The following RASGRP1 variants were observed in gnomAD, a reference collection of about 807,000 sequenced individuals.
RASGRP1 encodes RAS guanyl-releasing protein 1.
In RASGRP1, 37 loss-of-function variants were observed where a neutral mutation model predicts 95.1. The observed-to-expected ratio is 0.39, with a 90% CI of 0.30 to 0.51. The LOEUF is 0.51. RASGRP1 is among the 20% of genes least tolerant of loss of function. The pLI, the probability that RASGRP1 is intolerant of heterozygous loss-of-function variation, is 0.80. For synonymous variants in RASGRP1, 325 were observed against 353.4 expected, an observed-to-expected ratio of 0.92 and a Z score of 0.90; for missense variants, 711 against 965.4, an observed-to-expected ratio of 0.74 and a Z score of 3.49.
At chr15:38,564,519 TG>T in intron 1 of RASGRP1, 74 bp downstream of exon 1, 2 of 1,256,738 alleles carry the variant, frequency 1.6e-6, no homozygotes, top group Admixed American at 3.9e-5. Flanking sequence ...CTCGGGGTGT[TG>T]GGGCGACGGG....
chr15:38,522,008 C>T (rs1038138840), intron 3 of RASGRP1, among the ~76,000 whole-genome samples: 7 of 152,128 alleles, frequency 4.6e-5, no homozygotes, highest in African/African-American at 1.7e-4. Flanking sequence ...CTGAGCAAAG[C>T]CCAGATATCA....
chr15:38,562,823 A>T (rs189989719), intron 1 of RASGRP1, among the ~76,000 whole-genome samples: 7 of 152,168 alleles, frequency 4.6e-5, no homozygotes, highest in African/African-American at 1.7e-4. Flanking sequence ...CTGTTTTCTA[A>T]TTCTGGTAAA....
chr15:38,523,194 T>C (rs1271552078), intron 3 of RASGRP1, among the ~76,000 whole-genome samples: 1 of 152,122 alleles, frequency 6.6e-6, no homozygotes, highest in African/African-American at 2.4e-5. Flanking sequence ...GAAAATACAG[T>C]CATGTGCTGC....
At chr15:38,496,505 A>G (rs546347499) in intron 15 of RASGRP1, among the ~76,000 whole-genome samples, 91 of 152,320 alleles carry the variant, frequency 6.0e-4, no homozygotes, top group Non-Finnish European at 1.1e-3. Context: ...TTTATGTGAC[A>G]GAATTGTGGT....
intron 2 of RASGRP1, among the ~76,000 whole-genome samples, chr15:38,531,778 C>T (rs895951717): frequency 2.0e-5 from 3 of 151,642 alleles, no homozygotes; most frequent in African/African-American, 4.8e-5. Flanking sequence ...TCCAGAACTC[C>T]GAGGTAACTC....
chr15:38,506,481 A>G (rs1380310901), intron 9 of RASGRP1, among the ~76,000 whole-genome samples: 1 of 152,072 alleles, frequency 6.6e-6, no homozygotes, highest in Admixed American at 6.5e-5. Flanking sequence ...CAAAAAATAC[A>G]AAAGTTAACC....
chr15:38,516,204 C>T lies in RASGRP1; in HGVS notation c.668G>A (p.Arg223Lys). The change falls in exon 6 of 17, where the codon AGG (arginine) becomes AAG (lysine). Residue 223 changes from arginine to lysine, a missense_variant. By Grantham distance (26) the Arg-to-Lys change is conservative. This residue lies in a region of RASGRP1 where 491 missense variants were observed against 676.6 expected (regional missense o/e 0.73). Transcript: ENST00000310803. Reference protein sequence around the residue: ...LTYLEFKSFRRISFSDYQNYL... With the variant: ...LTYLEFKSFRKISFSDYQNYL... The stretch of plus-strand genomic sequence containing the variant: ...TGCCCCTTGCATACATACCGATATC[C>T]TCCGGAAAGACTTGAACTCAAGGTA... 1 of 1,592,978 alleles carries T rather than the reference C, an allele frequency of 6.3e-7. No individual in the cohort carries two copies. The highest frequency in any genetic ancestry group is 8.6e-7 in the Non-Finnish European group (1 of 1,160,956).
chr15:38,542,504 T>C (rs564348094), intron 2 of RASGRP1, among the ~76,000 whole-genome samples: 118 of 151,748 alleles, frequency 7.8e-4, no homozygotes, highest in African/African-American at 2.7e-3. Context: ...ATTTAGACCA[T>C]TGAGTTCATC....
chr15:38,500,054 T>G, intron 14 of RASGRP1, 49 bp downstream of exon 14: 269 of 1,585,894 alleles, frequency 1.7e-4, no homozygotes, highest in Non-Finnish European at 2.1e-4. Flanking sequence ...TATAGCAGCG[T>G]GAGAATGGAC....
chr15:38,560,019 G>A lies in RASGRP1; in HGVS notation c.36-14C>T. The A allele has an allele frequency of 6.2e-7, 1 of 1,603,158 alleles. No homozygotes were observed. Among genetic ancestry groups the A allele is most frequent in the Admixed American group, 1.7e-5 (1 of 58,868 alleles). ...TGGGAAGGTTTCCTGGGGAAAGAGA[G>A]AAGGCAGTGAGGGGACAAACGGGCA... On this transcript the variant is annotated splice_polypyrimidine_tract_variant and intron_variant, in intron 1 of 16. Transcript: ENST00000310803.
chr15:38,500,697 G>A (rs979481715), intron 13 of RASGRP1, among the ~76,000 whole-genome samples: 6 of 152,036 alleles, frequency 3.9e-5, no homozygotes, highest in Admixed American at 6.6e-5. Context: ...ATGAATCATC[G>A]GGCAAACAGG....
chr15:38,522,191 CA>C (rs1487853063), intron 3 of RASGRP1, among the ~76,000 whole-genome samples: 1 of 152,150 alleles, frequency 6.6e-6, no homozygotes, highest in East Asian at 1.9e-4. Context: ...AGACGACACA[CA>C]AATAGGTAAG....
At chr15:38,545,363 C>A (rs1315886230) in intron 2 of RASGRP1, among the ~76,000 whole-genome samples, 1 of 152,172 alleles carries the variant, frequency 6.6e-6, no homozygotes, top group African/African-American at 2.4e-5. Context: ...ACAGATACTG[C>A]TTCATATGCC....
intron 16 of RASGRP1, among the ~76,000 whole-genome samples, chr15:38,492,342 G>A (rs752576878): frequency 5.9e-5 from 9 of 152,102 alleles, no homozygotes; most frequent in Non-Finnish European, 1.2e-4. Context: ...TTCCACATAC[G>A]TTATCTAACT....
At chr15:38,517,771 T>C (rs1275246532) in intron 5 of RASGRP1, among the ~76,000 whole-genome samples, 1 of 152,174 alleles carries the variant, frequency 6.6e-6, no homozygotes, top group Non-Finnish European at 1.5e-5. Flanking sequence ...AGGCACTCAT[T>C]TTCCCAGAAT....
At chr15:38,535,371 C>T (rs575112264) in intron 2 of RASGRP1, among the ~76,000 whole-genome samples, 1 of 152,270 alleles carries the variant, frequency 6.6e-6, no homozygotes, top group Non-Finnish European at 1.5e-5. Flanking sequence ...CCCAGGAAGC[C>T]CTACACCCCC....
chr15:38,531,903 G>A (rs1023496401), intron 2 of RASGRP1, among the ~76,000 whole-genome samples: 6 of 152,132 alleles, frequency 3.9e-5, no homozygotes, highest in African/African-American at 1.4e-4. Flanking sequence ...AACCTCATCA[G>A]GGATATGTCC....
intron 16 of RASGRP1, among the ~76,000 whole-genome samples, chr15:38,491,547 C>A (rs1176355730): frequency 6.6e-6 from 1 of 152,100 alleles, no homozygotes; most frequent in African/African-American, 2.4e-5. Flanking sequence ...TTTGCTTATT[C>A]TTTTGTCCCA....
intron 2 of RASGRP1, among the ~76,000 whole-genome samples, chr15:38,529,184 T>A (rs1892344594): frequency 6.6e-6 from 1 of 152,200 alleles, no homozygotes; most frequent in Admixed American, 6.5e-5. Context: ...CTTGTCCACC[T>A]ACAATCTATT....
Sources: allele counts gnomAD v4.1 joint callset (sites outside exome capture counted in the v4.1 genomes callset), GRCh38; gene constraint gnomAD v4.1.1; regional missense constraint gnomAD v4.1.1; transcripts MANE v1.5; gene names NCBI Gene and HGNC (gene_info 2026-07-23, HGNC 2026-07-21).